The following DCDC2C variants were observed in gnomAD, a reference collection of about 807,000 sequenced individuals.
The protein encoded by DCDC2C is doublecortin domain-containing protein 2C.
A neutral mutation model predicts 45.0 loss-of-function variants in DCDC2C; 44 were observed. The ratio of observed to expected loss-of-function variants is 0.98; its 90% confidence interval spans 0.77 to 1.26. The LOEUF (loss-of-function observed/expected upper bound fraction) is 1.26. Ranked by LOEUF, DCDC2C falls within the 50% of genes most tolerant of loss-of-function variation. The probability of loss-of-function intolerance (pLI) is 0.00; values close to 1 mark genes in which losing one functional copy is unlikely to be tolerated. For synonymous variants in DCDC2C, 187 were observed against 178.8 expected (o/e 1.05, Z -0.37); for missense variants, 447 against 468.9 (o/e 0.95, Z 0.43).
rs985028332 is a variant in DCDC2C at position 3,785,164 on chromosome 2, G to A, written c.1065+64G>A. The A allele has an allele frequency of 3.4e-6, 4 of 1,163,156 alleles. No homozygotes were observed. The South Asian group carries it at 1.3e-4, about 38-fold the overall frequency. 72.1% of individuals were successfully genotyped at this position (1,163,156 alleles called of 1,614,324 possible). A position where few individuals can be genotyped will look rare whatever the true frequency, so the allele number is the denominator to read the frequency against. On this transcript the variant is annotated intron_variant, in intron 10 of 10. Coordinates refer to ENST00000399143, the MANE Select transcript of DCDC2C (RefSeq NM_001287444.2). Reference sequence around the variant, plus strand: ...TATTCTGAAGACAGACCTAACAAGAGAATCCACGGATCCCCAAATCTTCTC... The same window carrying A: ...TATTCTGAAGACAGACCTAACAAGAAAATCCACGGATCCCCAAATCTTCTC...
intron 2 of DCDC2C, among the ~76,000 whole-genome samples, chr2:3,725,414 GAGGCTGCC>G (rs1422065981): frequency 9.8e-6 from 1 of 102,160 alleles, no homozygotes; most frequent in African/African-American, 3.3e-5. Context: ...AGAGAGTGAG[GAGGCTGCC>G]AGGTGGATCC....
At chr2:3,799,159 G>C (rs868343077) in intron 10 of DCDC2C, among the ~76,000 whole-genome samples, 10 of 152,036 alleles carry the variant, frequency 6.6e-5, no homozygotes, top group African/African-American at 2.4e-4. Flanking sequence ...CCAGTTGATC[G>C]CATCGGCTCC....
intron 6 of DCDC2C, among the ~76,000 whole-genome samples, chr2:3,757,438 G>C (rs1669751376): frequency 6.6e-6 from 1 of 152,012 alleles, no homozygotes; most frequent in African/African-American, 2.4e-5. Flanking sequence ...ATCAGATGCT[G>C]GATTTTCTTT....
Position 3,752,633 on chromosome 2 carries a change from G to A in DCDC2C, c.546-130G>A, listed in dbSNP as rs774075585. 10 of 1,110,908 alleles carry A rather than the reference G, an allele frequency of 9.0e-6. 1 individual carries two copies. The highest frequency in any genetic ancestry group is 8.1e-5 in the South Asian group (6 of 74,304). 68.8% of individuals were successfully genotyped at this position (1,110,908 alleles called of 1,614,324 possible). ...TTTAATTGGCCCGTTTGGATAACAC[G>A]TGCTTACGATGAGCACTGTTTCTCC... On this transcript the variant is annotated intron_variant, in intron 4 of 10. Coordinates refer to ENST00000399143, the MANE Select transcript of DCDC2C (RefSeq NM_001287444.2).
At chr2:3,718,591 G>C (rs1297872498) in intron 2 of DCDC2C, among the ~76,000 whole-genome samples, 1 of 152,144 alleles carries the variant, frequency 6.6e-6, no homozygotes. Flanking sequence ...GAAAGTCCAG[G>C]GCCTTGTGGA....
Position 3,742,494 on chromosome 2 carries a change from A to G in DCDC2C, c.545+446A>G, listed in dbSNP as rs73910353. ...ACAGAAGAGCATGTGGGAGGGAGGT[A>G]GTGTGTGTAATGGCCTCTAGCATGT... On this transcript the variant is annotated intron_variant, in intron 4 of 10. Coordinates refer to ENST00000399143, the MANE Select transcript of DCDC2C (RefSeq NM_001287444.2). 8.8e-3 allele frequency among the ~76,000 whole-genome samples: 1,341 copies of G among 152,056 alleles called. 18 individuals are homozygous for G. The highest frequency in any genetic ancestry group is 0.03 in the African/African-American group (1,248 of 41,478).
intron 10 of DCDC2C, among the ~76,000 whole-genome samples, chr2:3,797,994 T>C (rs1671008617): frequency 6.6e-6 from 1 of 151,906 alleles, no homozygotes; most frequent in Non-Finnish European, 1.5e-5. Context: ...ATTATTAATG[T>C]ATGGGAGTCT....
At chr2:3,837,844 A>T (rs996206521) in intron 10 of DCDC2C, among the ~76,000 whole-genome samples, 1 of 152,098 alleles carries the variant, frequency 6.6e-6, no homozygotes, top group East Asian at 1.9e-4. Flanking sequence ...CAGGAACAGG[A>T]CAGCCCCTCC....
At chr2:3,812,930 T>C (rs1278095606) in intron 10 of DCDC2C, among the ~76,000 whole-genome samples, 1 of 151,968 alleles carries the variant, frequency 6.6e-6, no homozygotes, top group Non-Finnish European at 1.5e-5. Context: ...TTGATTGCAC[T>C]GTAGTCTGAG....
chr2:3,823,540 G>T (rs1384817419), intron 10 of DCDC2C, among the ~76,000 whole-genome samples: 1 of 152,100 alleles, frequency 6.6e-6, no homozygotes, highest in Non-Finnish European at 1.5e-5. Context: ...TAAAAGTAAA[G>T]TATTGAATTC....
At chr2:3,771,454 C>T (rs1670166516) in intron 8 of DCDC2C, among the ~76,000 whole-genome samples, 1 of 152,228 alleles carries the variant, frequency 6.6e-6, no homozygotes, top group Non-Finnish European at 1.5e-5. Flanking sequence ...GTGGGAGGCG[C>T]CACTCTCATA....
At chr2:3,834,095 C>CT (rs1180937858) in intron 10 of DCDC2C, among the ~76,000 whole-genome samples, 1 of 151,188 alleles carries the variant, frequency 6.6e-6, no homozygotes, top group Admixed American at 6.6e-5. Context: ...CCCTCCTGCC[C>CT]CCCCTACCTC....
At chr2:3,750,703 T>TTCCTGCAGTTTCTGTTCTTTGGCA (rs1669519586) in intron 4 of DCDC2C, among the ~76,000 whole-genome samples, 1 of 152,156 alleles carries the variant, frequency 6.6e-6, no homozygotes, top group Non-Finnish European at 1.5e-5. Flanking sequence ...CCGGCGAGTT[T>TTCCTGCAGTTTCTGTTCTTTGGCA]TCCTGCAGTT....
chr2:3,749,230 C>T (rs1259362532), intron 4 of DCDC2C, among the ~76,000 whole-genome samples: 1 of 152,172 alleles, frequency 6.6e-6, no homozygotes, highest in African/African-American at 2.4e-5. Context: ...AACAATTTTG[C>T]AAATGGCCGT....
chr2:3,722,497 G>A (rs981248726), intron 2 of DCDC2C, among the ~76,000 whole-genome samples: 1 of 152,162 alleles, frequency 6.6e-6, no homozygotes, highest in Non-Finnish European at 1.5e-5. Context: ...GCTCCTTGGG[G>A]GAGATACACC....
chr2:3,844,741 C>T (rs1362675753), intron 10 of DCDC2C: 1 of 152,160 alleles, frequency 6.6e-6, no homozygotes, highest in African/African-American at 2.4e-5. Flanking sequence ...TGTGGAATTC[C>T]TTCCTCTATT....
chr2:3,706,203 G>T (rs1668060852), intron 1 of DCDC2C, among the ~76,000 whole-genome samples: 1 of 152,176 alleles, frequency 6.6e-6, no homozygotes, highest in African/African-American at 2.4e-5. Flanking sequence ...TTCTAATTGT[G>T]TCACCAGCAA....
At chr2:3,708,058 G>T (rs1668113554) in intron 1 of DCDC2C, among the ~76,000 whole-genome samples, 1 of 152,154 alleles carries the variant, frequency 6.6e-6, no homozygotes. Flanking sequence ...CACATTTTAT[G>T]CTGGTGACTC....
chr2:3,726,799 C>T lies in DCDC2C; in HGVS notation c.340-204C>T, dbSNP rs559914899. On this transcript the variant is annotated intron_variant, in intron 2 of 10. Transcript: ENST00000399143. ...GAGCCCTCAGCCCCAGACCCCCTCGCGCTGCACTTGCTGGCATCTTCTCCT... is the reference window on the plus strand; with the variant it reads ...GAGCCCTCAGCCCCAGACCCCCTCGTGCTGCACTTGCTGGCATCTTCTCCT... Among the ~76,000 whole-genome samples the T allele has an allele frequency of 5.9e-5, 9 of 152,110 alleles. No homozygotes were observed. In the South Asian group the frequency reaches 8.3e-4, roughly 14 times the overall value.
Sources: allele counts gnomAD v4.1 joint callset (sites outside exome capture counted in the v4.1 genomes callset), GRCh38; gene constraint gnomAD v4.1.1; transcripts MANE v1.5; gene names NCBI Gene and HGNC (gene_info 2026-07-23, HGNC 2026-07-21).